PCDHGA8: variants seen among roughly 807,000 people sequenced by gnomAD.
The protein encoded by PCDHGA8 is protocadherin gamma subfamily A, 8, also known as protocadherin gamma-A8.
Under a neutral mutation model 59.2 loss-of-function variants are expected in PCDHGA8, and 45 were observed. The observed-to-expected ratio is 0.76, with a 90% CI of 0.60 to 0.98. PCDHGA8 has a LOEUF of 0.98. Ranked by LOEUF, PCDHGA8 falls within the 50% of genes least tolerant of loss-of-function variation. The pLI is 0.00. For missense variants in PCDHGA8, 1,257 were observed against 1,196.2 expected (o/e 1.05, Z -0.75); for synonymous variants, 531 against 519.0 (o/e 1.02, Z -0.32).
intron 1 of PCDHGA8, among the ~76,000 whole-genome samples, chr5:141,448,287 C>G (rs1394399947): frequency 6.6e-6 from 1 of 152,130 alleles, no homozygotes; most frequent in Non-Finnish European, 1.5e-5. Flanking sequence ...GCAACTTGCT[C>G]TTTCCACTTA....
intron 1 of PCDHGA8, chr5:141,413,350 G>C: frequency 6.2e-7 from 1 of 1,613,974 alleles, no homozygotes; most frequent in South Asian, 1.1e-5. Context: ...CTTGGGTCTG[G>C]CGCCCCGGGA....
chr5:141,417,528 A>G, intron 1 of PCDHGA8: 1 of 277,368 alleles, frequency 3.6e-6, no homozygotes, highest in Non-Finnish European at 6.7e-6. Context: ...GTCAACTCGT[A>G]GTTTAAAAAA....
Position 141,489,068 on chromosome 5 carries a change from G to GC in PCDHGA8, c.2425-5736dup. ...CTCAAATTCAGCTCCCCTCCCCCCT[G>GC]CCCACCCCCGCCACTCGGTGACTAA... On this transcript the variant is annotated intron_variant, in intron 1 of 3. Transcript: ENST00000398604. The surrounding 1 kb of genome is among the most constrained non-coding windows in gnomAD (Gnocchi z 4.5). 3 of 291,558 alleles carry GC rather than the reference G, an allele frequency of 1.0e-5. No homozygotes were observed. Among genetic ancestry groups the GC allele is most frequent in the Admixed American group, 5.4e-5 (1 of 18,530 alleles). 18.1% of individuals were successfully genotyped at this position (291,558 alleles called of 1,614,324 possible).
At chr5:141,415,040 C>T (rs772941952) in intron 1 of PCDHGA8, 8 of 1,613,520 alleles carry the variant, frequency 5.0e-6, no homozygotes, top group South Asian at 1.1e-5. Context: ...GGACTCTTCG[C>T]GGTGGGGGAG....
In PCDHGA8 at chr5:141,418,521, C is replaced by G. The variant is rs1246716171; in HGVS notation, c.2424+23284C>G. The G allele has an allele frequency of 3.7e-6, 6 of 1,613,840 alleles. No individual in the cohort carries two copies. The Admixed American group carries it at 1.0e-4, about 27-fold the overall frequency. On this transcript the variant is annotated intron_variant, in intron 1 of 3. Coordinates refer to ENST00000398604, the MANE Select transcript of PCDHGA8 (RefSeq NM_032088.2). ...ACCGCCTTAGATGGTGGGGACCCTC[C>G]CCGAAGCGGTACTGCTCAGATAAGA...
rs200715621 is a variant in PCDHGA8 at position 141,432,628 on chromosome 5, G to A, written c.2424+37391G>A. 3.2e-4 allele frequency: 515 copies of A among 1,611,902 alleles called. No individual in the cohort carries two copies. Among genetic ancestry groups the A allele is most frequent in the Non-Finnish European group, 4.2e-4 (497 of 1,179,404 alleles). On this transcript the variant is annotated intron_variant, in intron 1 of 3. Coordinates refer to ENST00000398604, the MANE Select transcript of PCDHGA8 (RefSeq NM_032088.2). The surrounding 1 kb of genome is among the most constrained non-coding windows in gnomAD (Gnocchi z 6.0). ...GACTCTTCTCGGTGGGTCTGCACAC[G>A]GGCGAGGTGCGCACGGCGCGAGCCC...
chr5:141,476,366 G>T lies in PCDHGA8; in HGVS notation c.2425-18441G>T, dbSNP rs1025903110. The T allele has an allele frequency of 6.2e-7, 1 of 1,614,026 alleles. No individual in the cohort carries two copies. The highest frequency in any genetic ancestry group is 8.5e-7 in the Non-Finnish European group (1 of 1,180,028). On this transcript the variant is annotated intron_variant, in intron 1 of 3. Coordinates refer to ENST00000398604, the MANE Select transcript of PCDHGA8 (RefSeq NM_032088.2). The surrounding 1 kb of genome is among the most constrained non-coding windows in gnomAD (Gnocchi z 7.6). The stretch of plus-strand genomic sequence containing the variant: ...ATTCTTTGAGGTGAACCGGGAGACC[G>T]GAGAGATGTTTGTGAACGACCGTCT...
chr5:141,422,151 G>A (rs763343536), intron 1 of PCDHGA8: 1 of 1,575,938 alleles, frequency 6.3e-7, no homozygotes, highest in Admixed American at 2.0e-5. Flanking sequence ...GGGGGTCTCT[G>A]GATTTTGAAA....
intron 1 of PCDHGA8, chr5:141,410,343 G>C: frequency 6.2e-7 from 1 of 1,613,964 alleles, no homozygotes; most frequent in Non-Finnish European, 8.5e-7. Flanking sequence ...ATTGCCTTGC[G>C]CCTGCGACGC....
At chr5:141,413,257 T>C (rs777964429) in intron 1 of PCDHGA8, 3 of 1,613,954 alleles carry the variant, frequency 1.9e-6, no homozygotes, top group African/African-American at 1.3e-5. Flanking sequence ...CGGGATTCCA[T>C]GGGAGGCTGG....
At position 141,477,550 on chromosome 5, in the gene PCDHGA8, C is replaced by T. The variant is rs1262360790; in HGVS notation, c.2425-17257C>T. The T allele has an allele frequency of 4.3e-6, 7 of 1,614,178 alleles. No homozygotes were observed. The highest frequency in any genetic ancestry group is 5.9e-6 in the Non-Finnish European group (7 of 1,180,036). On this transcript the variant is annotated intron_variant, in intron 1 of 3. Transcript: ENST00000398604. This position sits in a 1 kb window ranked among gnomAD's most constrained non-coding sequence, Gnocchi z 4.9. ...ACCTCCCCGGGGCTCCAATACTAAACCTAAGTGTCTGGGACCCCGACGCCC... is the reference window on the plus strand; with the variant it reads ...ACCTCCCCGGGGCTCCAATACTAAATCTAAGTGTCTGGGACCCCGACGCCC...
Position 141,394,238 on chromosome 5 carries a change from T to G in PCDHGA8, c.1425T>G (p.Thr475=). Residue 475 remains threonine, a synonymous_variant, in exon 1 of 4, where the codon ACT becomes ACG. Transcript: ENST00000398604. Reference sequence around the variant, plus strand: ...GAGGAGCCTCCATCTTTTCCTTGACTGCACACGACCCCGACAGCCAGGAGA... The same window carrying G: ...GAGGAGCCTCCATCTTTTCCTTGACGGCACACGACCCCGACAGCCAGGAGA... ...NLRGASIFSL[T]AHDPDSQENA... 1 of 1,613,934 alleles carries G rather than the reference T, an allele frequency of 6.2e-7. No homozygotes were observed. Among genetic ancestry groups the G allele is most frequent in the Non-Finnish European group, 8.5e-7 (1 of 1,179,876 alleles).
At chr5:141,502,862 C>CTTTT (rs2154593209) in intron 2 of PCDHGA8, among the ~76,000 whole-genome samples, 1 of 68,550 alleles carries the variant, frequency 1.5e-5, no homozygotes, top group African/African-American at 9.9e-5. Flanking sequence ...CCCTGACTCT[C>CTTTT]TGTCTTTTTT....
intron 1 of PCDHGA8, chr5:141,422,513 G>A (rs765955739): frequency 6.2e-7 from 1 of 1,614,000 alleles, no homozygotes. Context: ...ACAGACCAGG[G>A]AAGCCCGCCT....
At chr5:141,444,178 TTTTTTTTTTTG>T in intron 1 of PCDHGA8, among the ~76,000 whole-genome samples, 1 of 134,050 alleles carries the variant, frequency 7.5e-6, no homozygotes, top group Admixed American at 7.5e-5. Flanking sequence ...TTTTTTTTTT[TTTTTTTTTTTG>T]AGATGGAGTT....
At chr5:141,419,686 G>T (rs551990092) in intron 1 of PCDHGA8, 2 of 1,612,878 alleles carry the variant, frequency 1.2e-6, no homozygotes, top group South Asian at 1.1e-5. Flanking sequence ...ACCACGTGGT[G>T]CAGGCCAGTG....
At chr5:141,433,084 T>G in intron 1 of PCDHGA8, 1 of 1,614,184 alleles carries the variant, frequency 6.2e-7, no homozygotes, top group Non-Finnish European at 8.5e-7. Flanking sequence ...AGCCCAACTA[T>G]GCAGACATGC....
At chr5:141,401,734 G>T (rs2094188545) in intron 1 of PCDHGA8, among the ~76,000 whole-genome samples, 1 of 152,166 alleles carries the variant, frequency 6.6e-6, no homozygotes, top group Non-Finnish European at 1.5e-5. Context: ...CTAGTCTTGT[G>T]TACATACAAA....
intron 1 of PCDHGA8, among the ~76,000 whole-genome samples, chr5:141,459,561 C>T (rs912894386): frequency 2.6e-5 from 4 of 151,954 alleles, no homozygotes; most frequent in African/African-American, 7.3e-5. Context: ...GGATAAATAC[C>T]CCAAAACAGA....
Sources: allele counts gnomAD v4.1 joint callset (sites outside exome capture counted in the v4.1 genomes callset), GRCh38; gene constraint gnomAD v4.1.1; non-coding constraint Gnocchi (gnomAD v3.1); transcripts MANE v1.5; gene names NCBI Gene and HGNC (gene_info 2026-07-23, HGNC 2026-07-21).